Variants in IRAK1BP1 observed in about 807,000 individuals in gnomAD.
IRAK1BP1 encodes the protein interleukin-1 receptor-associated kinase 1-binding protein 1.
Under a neutral mutation model 28.0 loss-of-function variants are expected in IRAK1BP1, and 24 were observed. The ratio of observed to expected loss-of-function variants is 0.86; its 90% CI spans 0.62 to 1.20. IRAK1BP1 has a LOEUF of 1.20. Among genes scored for constraint, IRAK1BP1 ranks in the 50% most tolerant of loss-of-function variants. IRAK1BP1 has a pLI of 0.00. For missense variants in IRAK1BP1, 336 were observed against 316.7 expected (o/e 1.06, Z -0.46); for synonymous variants, 131 against 116.3 (o/e 1.13, Z -0.81).
the IRAK1BP1 span, chr6:78,963,037 A>AT: frequency 1.4e-6 from 2 of 1,462,470 alleles, no homozygotes; most frequent in Non-Finnish European, 1.8e-6. Flanking sequence ...GAATAACAGT[A>AT]TTTTTCCATT....
At chr6:78,875,824 C>T (rs2127667076) in intron 1 of IRAK1BP1, among the ~76,000 whole-genome samples, 1 of 151,978 alleles carries the variant, frequency 6.6e-6, no homozygotes, top group East Asian at 1.9e-4. Context: ...CGCAATGTAC[C>T]CATGTAACAA....
At chr6:78,958,724 T>C in the IRAK1BP1 span, 2 of 659,302 alleles carry the variant, frequency 3.0e-6, no homozygotes, top group Admixed American at 2.8e-5. Context: ...ACCATTGGTC[T>C]TATAAAGTCA....
the IRAK1BP1 span, among the ~76,000 whole-genome samples, chr6:78,971,325 T>C: frequency 1.3e-5 from 2 of 152,256 alleles, no homozygotes; most frequent in African/African-American, 2.4e-5. Context: ...CAGCAGGGCA[T>C]ACATTTATCC....
intron 1 of IRAK1BP1, among the ~76,000 whole-genome samples, 184 bp downstream of exon 1, chr6:78,868,075 TCTC>T (rs1278172271): frequency 2.0e-5 from 3 of 152,236 alleles, no homozygotes; most frequent in Admixed American, 6.5e-5. Context: ...GACCCATTCT[TCTC>T]CTAGACGAAG....
the IRAK1BP1 span, chr6:78,965,752 T>C: frequency 1.3e-6 from 2 of 1,554,504 alleles, no homozygotes; most frequent in East Asian, 2.3e-5. Context: ...TTTCTGTATC[T>C]CCATTGTCCC....
At chr6:78,966,490 G>A in the IRAK1BP1 span, among the ~76,000 whole-genome samples, 1 of 151,946 alleles carries the variant, frequency 6.6e-6, no homozygotes, top group African/African-American at 2.4e-5. Flanking sequence ...AAGACTCCAC[G>A]CTAAAAACAA....
chr6:78,975,297 G>C, the IRAK1BP1 span, among the ~76,000 whole-genome samples: 1 of 152,174 alleles, frequency 6.6e-6, no homozygotes. Flanking sequence ...AATAGATGCA[G>C]AAAAGGCCTT....
intron 4 of IRAK1BP1, chr6:78,937,290 G>A (rs1369158986): frequency 6.6e-6 from 1 of 151,696 alleles, no homozygotes; most frequent in Admixed American, 6.6e-5. Context: ...TGGAATGTCA[G>A]AATTGAAGTA....
intron 1 of IRAK1BP1, chr6:78,872,097 C>T (rs1770813867): frequency 4.3e-6 from 3 of 700,658 alleles, no homozygotes; most frequent in Non-Finnish European, 7.8e-6. Context: ...TGGAAAGAGA[C>T]CCCAGCATCT....
At chr6:78,893,314 G>GTATACATA (rs1771742404) in intron 2 of IRAK1BP1, among the ~76,000 whole-genome samples, 1 of 103,432 alleles carries the variant, frequency 9.7e-6, no homozygotes, top group East Asian at 4.5e-4. Context: ...GTGTGTGTGT[G>GTATACATA]TATATATATA....
At chr6:78,871,405 A>G in intron 1 of IRAK1BP1, 1 of 985,506 alleles carries the variant, frequency 1.0e-6, no homozygotes, top group African/African-American at 1.7e-5. Context: ...CCTTTAACAC[A>G]GTGCAACCAA....
exon 5 of IRAK1BP1, chr6:78,946,373 T>C: frequency 1.4e-6 from 2 of 1,386,526 alleles, no homozygotes; most frequent in South Asian, 1.5e-5. Context: ...TGTTAAAATA[T>C]GAGATTTATA....
intron 4 of IRAK1BP1, among the ~76,000 whole-genome samples, chr6:78,933,713 T>C (rs1186427411): frequency 1.3e-5 from 2 of 151,442 alleles, no homozygotes; most frequent in Admixed American, 6.6e-5. Flanking sequence ...CTCTCACCTT[T>C]ACAGAATTGA....
the IRAK1BP1 span, among the ~76,000 whole-genome samples, chr6:78,971,856 C>T: frequency 2.0e-5 from 3 of 152,208 alleles, no homozygotes; most frequent in East Asian, 1.9e-4. Flanking sequence ...AATTATATCC[C>T]GCACCTGGCT....
At chr6:78,978,610 C>T in the IRAK1BP1 span, 1 of 1,590,312 alleles carries the variant, frequency 6.3e-7, no homozygotes, top group Non-Finnish European at 8.6e-7. Flanking sequence ...CCATCTGTGG[C>T]ACAAATGGAC....
At chr6:78,976,256 GA>G in the IRAK1BP1 span, among the ~76,000 whole-genome samples, 47,725 of 146,732 alleles carry the variant, frequency 0.33, 8,951 homozygotes, top group East Asian at 0.67. Flanking sequence ...ACAAACCTGA[GA>G]AAAACAAGCA....
downstream of IRAK1BP1, chr6:78,947,679 C>G: frequency 6.5e-7 from 1 of 1,533,988 alleles, no homozygotes; most frequent in South Asian, 1.1e-5. Flanking sequence ...AGTCTGACAT[C>G]TTTACATAAC....
chr6:78,908,656 G>A (rs961151036), intron 4 of IRAK1BP1, among the ~76,000 whole-genome samples: 1 of 152,156 alleles, frequency 6.6e-6, no homozygotes, highest in African/African-American at 2.4e-5. Context: ...GGCACTCATT[G>A]GTCAGTGTTC....
chr6:78,946,745 T>C (rs368000937), downstream of IRAK1BP1: 6 of 1,589,758 alleles, frequency 3.8e-6, no homozygotes, highest in African/African-American at 6.9e-5. Context: ...GAGCTGCTTC[T>C]GTTTCTTTTC....
Sources: allele counts gnomAD v4.1 joint callset (sites outside exome capture counted in the v4.1 genomes callset), GRCh38; gene constraint gnomAD v4.1.1; transcripts MANE v1.5; gene names NCBI Gene and HGNC (gene_info 2026-07-23, HGNC 2026-07-21).